ZNF678: variants seen among roughly 807,000 people sequenced by gnomAD.
ZNF678 encodes the protein zinc finger protein 678, also known as hypothetical protein MGC42493.
A neutral mutation model predicts 3.0 loss-of-function variants in ZNF678; 5 were observed. The observed-to-expected ratio is 1.69, with a 90% CI of 0.88 to 3.56. The LOEUF is 3.56. Among genes scored for constraint, ZNF678 ranks in the 30% most tolerant of loss-of-function variants. The pLI is 0.00. For missense variants in ZNF678, 593 were observed against 605.0 expected, an observed-to-expected ratio of 0.98 and a Z score of 0.21; for synonymous variants, 218 against 199.6, an observed-to-expected ratio of 1.09 and a Z score of -0.78.
chr1:227,635,414 A>C (rs1338477101), intron 1 of ZNF678, among the ~76,000 whole-genome samples: 2 of 152,144 alleles, frequency 1.3e-5, no homozygotes, highest in Non-Finnish European at 2.9e-5. Context: ...AAGAAATAGA[A>C]AATTTGTATT....
chr1:227,662,663 A>C (rs562441808), downstream of ZNF678, among the ~76,000 whole-genome samples: 1 of 152,184 alleles, frequency 6.6e-6, no homozygotes, highest in East Asian at 1.9e-4. Context: ...AAGGAATTAC[A>C]TGAGTTTCTT....
At chr1:227,572,599 G>C (rs891862594) in intron 1 of ZNF678, among the ~76,000 whole-genome samples, 1 of 152,088 alleles carries the variant, frequency 6.6e-6, no homozygotes, top group African/African-American at 2.4e-5. Flanking sequence ...TCATCATCCC[G>C]GTACCCAGGG....
intron 1 of ZNF678, among the ~76,000 whole-genome samples, chr1:227,565,853 G>A (rs1331027598): frequency 2.0e-5 from 3 of 152,098 alleles, no homozygotes; most frequent in Non-Finnish European, 4.4e-5. Context: ...TCCGCCTCCC[G>A]TGTTCACGCC....
At chr1:227,606,234 G>A (rs1322948702) in intron 1 of ZNF678, among the ~76,000 whole-genome samples, 1 of 152,216 alleles carries the variant, frequency 6.6e-6, no homozygotes, top group East Asian at 1.9e-4. Flanking sequence ...CAAGGGGAGT[G>A]TGGCAGGAGA....
At chr1:227,672,715 A>T (rs1016530481) in intron 5 of ZNF678, among the ~76,000 whole-genome samples, 1 of 152,060 alleles carries the variant, frequency 6.6e-6, no homozygotes, top group African/African-American at 2.4e-5. Flanking sequence ...AGGGATGATT[A>T]TGAGAACCTT....
At chr1:227,644,347 T>C (rs1044014822) in intron 1 of ZNF678, among the ~76,000 whole-genome samples, 4 of 152,300 alleles carry the variant, frequency 2.6e-5, no homozygotes, top group Admixed American at 1.3e-4. Flanking sequence ...TCCGAGCACA[T>C]AGTACATGCT....
chr1:227,579,326 C>G (rs1657064161), intron 1 of ZNF678, among the ~76,000 whole-genome samples: 1 of 151,950 alleles, frequency 6.6e-6, no homozygotes, highest in Non-Finnish European at 1.5e-5. Flanking sequence ...GGTCTGGGTG[C>G]TTAATCTGTG....
chr1:227,661,303 TTG>T lies in ZNF678; in HGVS notation c.*5477_*5478del, dbSNP rs1432432182. 8.0e-5 allele frequency: 4 copies of T among 50,086 alleles called. No homozygotes were observed. The highest frequency in any genetic ancestry group is 3.1e-4 in the Admixed American group (1 of 3,272). The allele number at this position is 50,086 out of a possible 1,614,324, so 3.1% of individuals were successfully genotyped here. On this transcript the variant is annotated 3_prime_UTR_variant, in exon 4 of 4. Transcript: ENST00000343776. ...GTTGTTTTGTTTTGTTTTGTTTTTG[TTG>T]TTGTTGTTGTTGTTGTTTACCAGCA...
intron 1 of ZNF678, among the ~76,000 whole-genome samples, chr1:227,566,677 G>GT (rs1401459686): frequency 3.9e-5 from 6 of 152,116 alleles, no homozygotes; most frequent in African/African-American, 1.2e-4. Context: ...TTCATCATCA[G>GT]TTTTTTATTA....
At chr1:227,611,413 T>C (rs1483243110) in intron 1 of ZNF678, among the ~76,000 whole-genome samples, 1 of 152,320 alleles carries the variant, frequency 6.6e-6, no homozygotes, top group East Asian at 1.9e-4. Flanking sequence ...TCAGCCTCCC[T>C]CACTCACTCA....
intron 1 of ZNF678, among the ~76,000 whole-genome samples, chr1:227,597,470 T>C (rs1657623109): frequency 6.6e-6 from 1 of 152,224 alleles, no homozygotes. Flanking sequence ...GTATAAAACA[T>C]GCGTTTTAGA....
At chr1:227,643,485 C>T (rs1018546030) in intron 1 of ZNF678, among the ~76,000 whole-genome samples, 2 of 152,126 alleles carry the variant, frequency 1.3e-5, no homozygotes, top group African/African-American at 4.8e-5. Context: ...GAAACCTTGT[C>T]TAAATATGTT....
chr1:227,664,400 C>T (rs944924997), downstream of ZNF678, among the ~76,000 whole-genome samples: 8 of 152,096 alleles, frequency 5.3e-5, no homozygotes, highest in Non-Finnish European at 8.8e-5. Context: ...GAAATAGCCT[C>T]CTCAGCACTT....
intron 1 of ZNF678, among the ~76,000 whole-genome samples, chr1:227,593,210 G>T (rs182449687): frequency 6.6e-6 from 1 of 152,378 alleles, no homozygotes; most frequent in African/African-American, 2.4e-5. Flanking sequence ...AAGGGGGACA[G>T]TTTGGGCCTC....
At position 227,655,854 on chromosome 1, in the gene ZNF678, A is replaced by G. The variant is rs1263601286; in HGVS notation, c.*26A>G. The G allele has an allele frequency of 6.5e-7, 1 of 1,533,772 alleles. No homozygotes were observed. Among genetic ancestry groups the G allele is most frequent in the East Asian group, 2.3e-5 (1 of 44,382 alleles). ...AAACTGCTTCATTATACATGGCTTC[A>G]CTAATTTCATACTGAATAAAAGTGG... is the stretch of plus-strand genomic sequence containing the variant. On this transcript the variant is annotated 3_prime_UTR_variant, in exon 4 of 4. Transcript: ENST00000343776.
chr1:227,666,062 T>G (rs77882397), downstream of ZNF678, among the ~76,000 whole-genome samples: 616 of 152,358 alleles, frequency 4.0e-3, 5 homozygotes, highest in African/African-American at 0.014. Flanking sequence ...AAAGAAAGGT[T>G]GCCACAGATG....
At chr1:227,565,211 G>A (rs1481181826) in intron 1 of ZNF678, among the ~76,000 whole-genome samples, 3 of 151,732 alleles carry the variant, frequency 2.0e-5, no homozygotes, top group African/African-American at 7.3e-5. Context: ...GACTACAGGC[G>A]TGCGCCACTA....
intron 1 of ZNF678, among the ~76,000 whole-genome samples, chr1:227,603,749 C>T (rs1657795139): frequency 6.6e-6 from 1 of 152,174 alleles, no homozygotes; most frequent in African/African-American, 2.4e-5. Context: ...CAGCCACTAA[C>T]CTTGAGCTTC....
intron 5 of ZNF678, among the ~76,000 whole-genome samples, chr1:227,676,270 C>G (rs1659677901): frequency 6.6e-6 from 1 of 152,130 alleles, no homozygotes; most frequent in Non-Finnish European, 1.5e-5. Context: ...AAGAAGCAAA[C>G]ACAAATGCTG....
Sources: allele counts gnomAD v4.1 joint callset (sites outside exome capture counted in the v4.1 genomes callset), GRCh38; gene constraint gnomAD v4.1.1; transcripts MANE v1.5; gene names NCBI Gene and HGNC (gene_info 2026-07-23, HGNC 2026-07-21).